TNFRSF17: variants seen among roughly 807,000 people sequenced by gnomAD.
The protein encoded by TNFRSF17 is tumor necrosis factor receptor superfamily member 17.
Under a neutral mutation model 9.9 loss-of-function variants are expected in TNFRSF17, and 13 were observed. The ratio of observed to expected loss-of-function variants is 1.31; its 90% CI spans 0.85 to 2.08. The LOEUF (loss-of-function observed/expected upper bound fraction) is 2.08. Ranked by LOEUF, TNFRSF17 falls within the 30% of genes most tolerant of loss-of-function variation. TNFRSF17 has a pLI of 0.00. For synonymous variants in TNFRSF17, 99 were observed against 83.7 expected (o/e 1.18, Z -1.00); for missense variants, 305 against 225.8 (o/e 1.35, Z -2.25).
Position 11,967,649 on chromosome 16 carries a change from C to G in TNFRSF17, c.357C>G (p.Leu119=), listed in dbSNP as rs776988503. 6.2e-7 allele frequency: 1 copy of G among 1,614,114 alleles called. No individual in the cohort carries two copies. The highest frequency in any genetic ancestry group is 1.1e-5 in the South Asian group (1 of 91,078). The change falls in exon 3 of 3, where the codon CTC becomes CTG. Residue 119 remains leucine (L), a synonymous_variant. Transcript: ENST00000053243. ...ATGAAATTATTCTTCCGAGAGGCCT[C>G]GAGTACACGGTGGAAGAATGCACCT... ...TGDEIILPRG[L]EYTVEECTCE... is the part of the protein sequence containing the mutation.
intron 2 of TNFRSF17, 90 bp from the exon 3 acceptor site, chr16:11,967,480 T>C (rs764785919): frequency 1.5e-6 from 2 of 1,335,398 alleles, no homozygotes; most frequent in Non-Finnish European, 2.1e-6. Flanking sequence ...CTCTCTCACA[T>C]TGCTTTGAGT....
chr16:11,965,518 A>G, intron 1 of TNFRSF17, 64 bp downstream of exon 1: 1 of 1,522,298 alleles, frequency 6.6e-7, no homozygotes, highest in Non-Finnish European at 9.0e-7. Flanking sequence ...TGGACTGCTT[A>G]TTCAGAGAAT....
Position 11,965,470 on chromosome 16 carries a change from T to G in TNFRSF17, c.130+16T>G. ...TGTAATGCAAGTAAGTAATATTGCT[T>G]GAACGATTATTCATTGGTGTGAACT... On this transcript the variant is annotated intron_variant, in intron 1 of 2. Transcript: ENST00000053243. The G allele has an allele frequency of 6.2e-7, 1 of 1,613,340 alleles. No homozygotes were observed. The highest frequency in any genetic ancestry group is 1.1e-5 in the South Asian group (1 of 91,018).
rs764556231 is a variant in TNFRSF17, at chr16:11,967,570, G to GA, written c.279dup (p.Ser94IlefsTer8). On this transcript the variant is annotated frameshift_variant and splice_region_variant, in exon 3 of 3. Coordinates refer to ENST00000053243, the MANE Select transcript of TNFRSF17 (RefSeq NM_001192.3). LOFTEE classifies it low-confidence loss of function (END_TRUNC). ...AATGTTTCCGTTTCTACATAATTAG[G>GA]ATCAGGTCTCCTGGGCATGGCTAAC... The GA allele has an allele frequency of 1.9e-6, 3 of 1,609,822 alleles. No homozygotes were observed. In the South Asian group the frequency reaches 3.3e-5, roughly 18 times the overall value.
rs945170270 is a variant in TNFRSF17, at chr16:11,967,596, A to G, written c.304A>G (p.Ile102Val). Residue 102 changes from isoleucine (I) to valine (V), a missense_variant, in exon 3 of 3, where the codon ATT (isoleucine) becomes GTT (valine). Transcript: ENST00000053243. ...ATCAGGTCTCCTGGGCATGGCTAAC[A>G]TTGACCTGGAAAAGAGCAGGACTGG... ...TGSGLLGMAN[I>V]DLEKSRTGDE... 6.2e-7 allele frequency: 1 copy of G among 1,613,810 alleles called. No homozygotes were observed. The highest frequency in any genetic ancestry group is 1.7e-5 in the Admixed American group (1 of 59,970).
chr16:11,966,265 T>G lies in TNFRSF17; in HGVS notation c.201T>G (p.Ser67=). The part of the protein sequence containing the change: ...WTCLGLSLII[S]LAVFVLMFLL... ...GTTTGGGACTGAGCTTAATAATTTC[T>G]TTGGCAGTTTTCGTGCTAATGTTTT... The change falls in exon 2 of 3, where the codon TCT becomes TCG. Residue 67 remains serine, a synonymous_variant. Transcript: ENST00000053243. 1 of 1,614,112 alleles carries G rather than the reference T, an allele frequency of 6.2e-7. No individual in the cohort carries two copies. The highest frequency in any genetic ancestry group is 8.5e-7 in the Non-Finnish European group (1 of 1,179,958).
chr16:11,965,539 G>C, intron 1 of TNFRSF17, 85 bp downstream of exon 1: 1 of 1,367,894 alleles, frequency 7.3e-7, no homozygotes, highest in Middle Eastern at 2.1e-4. Context: ...CAACATAATG[G>C]GCATGATGGT....
At position 11,966,319 on chromosome 16, in the gene TNFRSF17, A is replaced by G. The variant is rs2055193584; in HGVS notation, c.255A>G (p.Leu85=). 2 of 1,612,778 alleles carry G rather than the reference A, an allele frequency of 1.2e-6. No homozygotes were observed. The highest frequency in any genetic ancestry group is 1.7e-6 in the Non-Finnish European group (2 of 1,179,576). The part of the protein sequence containing the change: ...FLLRKINSEP[L]KDEFKNTGSG... ...TAAGGAAGATAAACTCTGAACCATT[A>G]AAGGACGAGTTTAAAAACACAGGTT... The change falls in exon 2 of 3, where the codon TTA becomes TTG. Residue 85 remains leucine (L), a synonymous_variant. Transcript: ENST00000053243.
rs1468727989 is a variant in TNFRSF17, at chr16:11,967,150, G to A, written c.278-420G>A. The A allele has an allele frequency of 2.0e-5, 4 of 198,622 alleles. No individual in the cohort carries two copies. The East Asian group carries it at 5.9e-4, about 29-fold the overall frequency. 12.3% of individuals were successfully genotyped at this position (198,622 alleles called of 1,614,324 possible). ...TGAGTAACTGGGACTATAGGTATGT[G>A]CCATCACCTCCGACTAATTTTTGTA... On this transcript the variant is annotated intron_variant, in intron 2 of 2. Coordinates refer to ENST00000053243, the MANE Select transcript of TNFRSF17 (RefSeq NM_001192.3).
In TNFRSF17 at chr16:11,967,939, G is replaced by C; in HGVS notation, c.*92G>C. ...CTCTTTAGGATGACTGTATTTTTCA[G>C]TTGCCGATACAGCTTTTTGTCCTCT... is the stretch of plus-strand genomic sequence containing the variant. On this transcript the variant is annotated 3_prime_UTR_variant, in exon 3 of 3. Coordinates refer to ENST00000053243, the MANE Select transcript of TNFRSF17 (RefSeq NM_001192.3). 7.0e-7 allele frequency: 1 copy of C among 1,423,300 alleles called. No homozygotes were observed. Among genetic ancestry groups the C allele is most frequent in the Non-Finnish European group, 9.5e-7 (1 of 1,056,436 alleles). 88.2% of individuals were successfully genotyped at this position (1,423,300 alleles called of 1,614,324 possible).
At position 11,966,352 on chromosome 16, in the gene TNFRSF17, T is replaced by C. The variant is rs758505485; in HGVS notation, c.277+11T>C. On this transcript the variant is annotated intron_variant, in intron 2 of 2. Coordinates refer to ENST00000053243, the MANE Select transcript of TNFRSF17 (RefSeq NM_001192.3). ...AGTTTAAAAACACAGGTTGGTTTGA[T>C]GGTGAATCTTTGAAATCTATTTCCA... 8.1e-6 allele frequency: 13 copies of C among 1,604,072 alleles called. No individual in the cohort carries two copies. In the African/African-American group the frequency reaches 1.3e-4, roughly 17 times the overall value.
rs201687396 is a variant in TNFRSF17, at chr16:11,968,055, C to A, written c.*208C>A. On this transcript the variant is annotated 3_prime_UTR_variant, in exon 3 of 3. Transcript: ENST00000053243. ...ACTTCCTTGGTTTCATGATTAAACT[C>A]TTTTTTTTCCTGACATCTAAGTTTT... is the stretch of plus-strand genomic sequence containing the variant. The A allele has an allele frequency of 3.9e-6, 2 of 508,858 alleles. No homozygotes were observed. Among genetic ancestry groups the A allele is most frequent in the Non-Finnish European group, 6.7e-6 (2 of 298,972 alleles). 31.5% of individuals were successfully genotyped at this position (508,858 alleles called of 1,614,324 possible).
Position 11,965,372 on chromosome 16 carries a change from T to C in TNFRSF17, c.48T>C (p.Ser16=). 6.2e-7 allele frequency: 1 copy of C among 1,614,252 alleles called. No homozygotes were observed. Among genetic ancestry groups the C allele is most frequent in the Admixed American group, 1.7e-5 (1 of 60,024 alleles). ...GCTCCCAAAATGAATATTTTGACAG[T>C]TTGTTGCATGCTTGCATACCTTGTC... ...GQCSQNEYFD[S]LLHACIPCQL... Residue 16 remains serine, a synonymous_variant, in exon 1 of 3, where the codon AGT becomes AGC. Transcript: ENST00000053243.
chr16:11,966,782 T>C (rs2055197561), intron 2 of TNFRSF17, among the ~76,000 whole-genome samples: 1 of 152,162 alleles, frequency 6.6e-6, no homozygotes, highest in African/African-American at 2.4e-5. Flanking sequence ...TGAAAAATGT[T>C]AGAAATGAAT....
rs143690193 is a variant in TNFRSF17, at chr16:11,965,382, G to A, written c.58G>A (p.Ala20Thr). Residue 20 changes from alanine to threonine, a missense_variant, in exon 1 of 3, where the codon GCT (alanine) becomes ACT (threonine). By Grantham distance (58) the Ala-to-Thr change is moderately conservative. Transcript: ENST00000053243. ...TGAATATTTTGACAGTTTGTTGCAT[G>A]CTTGCATACCTTGTCAACTTCGATG... ...QNEYFDSLLH[A>T]CIPCQLRCSS... is the part of the protein sequence containing the mutation. The A allele has an allele frequency of 6.2e-7, 1 of 1,614,106 alleles. No homozygotes were observed. The highest frequency in any genetic ancestry group is 1.3e-5 in the African/African-American group (1 of 74,942).
rs768823161 is a variant in TNFRSF17 at position 11,967,858 on chromosome 16, C to T, written c.*11C>T. The T allele has an allele frequency of 1.4e-5, 23 of 1,610,406 alleles. No individual in the cohort carries two copies. Among genetic ancestry groups the T allele is most frequent in the Admixed American group, 3.4e-5 (2 of 59,664 alleles). ...ATTTCTGCTAGGTAATTAACCATTT[C>T]GACTCGAGCAGTGCCACTTTAAAAA... On this transcript the variant is annotated 3_prime_UTR_variant, in exon 3 of 3. Transcript: ENST00000053243.
rs369340296 is a variant in TNFRSF17, at chr16:11,965,381, T to G, written c.57T>G (p.His19Gln). The G allele has an allele frequency of 9.4e-5, 152 of 1,614,128 alleles. No individual in the cohort carries two copies. The highest frequency in any genetic ancestry group is 1.2e-4 in the Non-Finnish European group (147 of 1,180,042). The change falls in exon 1 of 3, where the codon CAT becomes CAG. Residue 19 changes from histidine to glutamine, a missense_variant. Coordinates refer to ENST00000053243, the MANE Select transcript of TNFRSF17 (RefSeq NM_001192.3). ...ATGAATATTTTGACAGTTTGTTGCA[T>G]GCTTGCATACCTTGTCAACTTCGAT... Reference protein sequence around the residue: ...SQNEYFDSLLHACIPCQLRCS... With the variant: ...SQNEYFDSLLQACIPCQLRCS...
intron 2 of TNFRSF17, 118 bp from the exon 3 acceptor site, chr16:11,967,452 T>C: frequency 5.6e-6 from 6 of 1,079,700 alleles, no homozygotes; most frequent in Non-Finnish European, 8.0e-6. Context: ...AGACCCCACC[T>C]CTAAAAAATG....
Position 11,965,250 on chromosome 16 carries a change from T to C in TNFRSF17, c.-75T>C. ...CTAGCTGCTCTTGCTGCATTTGCTC[T>C]GGAATTCTTGTAGAGATATTACTTG... On this transcript the variant is annotated 5_prime_UTR_variant, in exon 1 of 3. Coordinates refer to ENST00000053243, the MANE Select transcript of TNFRSF17 (RefSeq NM_001192.3). The C allele has an allele frequency of 1.3e-6, 2 of 1,580,602 alleles. No homozygotes were observed. Among genetic ancestry groups the C allele is most frequent in the Non-Finnish European group, 1.7e-6 (2 of 1,159,304 alleles).
Sources: gnomAD v4.1 joint callset for allele counts (sites outside exome capture counted in the v4.1 genomes callset) on GRCh38, gnomAD v4.1.1 for gene constraint, MANE v1.5 for transcripts, NCBI Gene and HGNC (gene_info 2026-07-23, HGNC 2026-07-21) for gene names.